The following MGAT4C variants were observed in gnomAD, a reference collection of about 807,000 sequenced individuals.
MGAT4C encodes MGAT4 family member C, also known as alpha-1,3-mannosyl-glycoprotein 4-beta-N-acetylglucosaminyltransferase C.
In MGAT4C, 19 loss-of-function variants were observed where a neutral mutation model predicts 40.1. That is an observed-to-expected ratio of 0.47 (90% CI 0.33 to 0.70). MGAT4C has a LOEUF of 0.70. Ranked by LOEUF, MGAT4C falls within the 30% of genes least tolerant of loss-of-function variation. The pLI is 0.02. For synonymous variants in MGAT4C, 181 were observed against 187.1 expected, an observed-to-expected ratio of 0.97 and a Z score of 0.27; for missense variants, 491 against 563.2, an observed-to-expected ratio of 0.87 and a Z score of 1.30.
chr12:86,695,759 G>A (rs1306728836), intron 2 of MGAT4C, among the ~76,000 whole-genome samples: 2 of 152,004 alleles, frequency 1.3e-5, no homozygotes, highest in African/African-American at 4.8e-5. Flanking sequence ...TAGAATGATG[G>A]TTACCAGAGG....
intron 4 of MGAT4C, among the ~76,000 whole-genome samples, chr12:86,263,228 T>C (rs1370729408): frequency 6.6e-6 from 1 of 152,146 alleles, no homozygotes; most frequent in Admixed American, 6.5e-5. Context: ...TTTTGTTACA[T>C]GCATCCATCA....
chr12:86,209,864 T>G (rs1950391045), intron 1 of MGAT4C, among the ~76,000 whole-genome samples: 1 of 152,234 alleles, frequency 6.6e-6, no homozygotes, highest in African/African-American at 2.4e-5. Flanking sequence ...TTTTAATTAT[T>G]ATTCTGTAAA....
intron 2 of MGAT4C, among the ~76,000 whole-genome samples, chr12:86,585,644 T>C (rs879786471): frequency 1.3e-5 from 2 of 151,448 alleles, no homozygotes; most frequent in East Asian, 1.9e-4. Flanking sequence ...CTACAGGATA[T>C]TGTATTATCA....
chr12:86,709,865 A>G (rs1016163027), intron 2 of MGAT4C, among the ~76,000 whole-genome samples: 4 of 152,134 alleles, frequency 2.6e-5, no homozygotes, highest in Admixed American at 2.0e-4. Flanking sequence ...GCCTTTATTT[A>G]TTTGTGCTAA....
intron 1 of MGAT4C, among the ~76,000 whole-genome samples, chr12:86,808,851 T>C (rs1952415412): frequency 6.6e-6 from 1 of 152,062 alleles, no homozygotes; most frequent in Non-Finnish European, 1.5e-5. Context: ...TGTCTTTGTA[T>C]ACAGATACTG....
chr12:86,207,911 A>G (rs927259985), intron 1 of MGAT4C, among the ~76,000 whole-genome samples: 15 of 152,252 alleles, frequency 9.9e-5, no homozygotes, highest in African/African-American at 2.9e-4. Context: ...TCAAGTTAAT[A>G]AAGTATTATG....
In MGAT4C at chr12:86,421,562, A is replaced by G. The variant is rs564722536; in HGVS notation, c.-120+13595T>C. ...CGAGGCAGGGGGATCAATTGAGGTC[A>G]GCAGTTCAAGACTAGCCTTGCCAAC... On this transcript the variant is annotated intron_variant, in intron 3 of 7. Coordinates refer to the MGAT4C transcript ENST00000548651. Among the ~76,000 whole-genome samples, 500 of 152,282 alleles carry G rather than the reference A, an allele frequency of 3.3e-3. 3 individuals carry two copies. The highest frequency in any genetic ancestry group is 0.011 in the African/African-American group (478 of 41,568).
At chr12:86,312,378 T>C (rs1016477110) in intron 4 of MGAT4C, among the ~76,000 whole-genome samples, 2 of 152,194 alleles carry the variant, frequency 1.3e-5, no homozygotes, top group Non-Finnish European at 2.9e-5. Context: ...TAGCTATCAC[T>C]CTTTGTTGTT....
chr12:86,555,960 T>A (rs1959590954), intron 2 of MGAT4C, among the ~76,000 whole-genome samples: 2 of 152,204 alleles, frequency 1.3e-5, no homozygotes, highest in Non-Finnish European at 2.9e-5. Context: ...ATAAATGGGA[T>A]ATTTGAACTA....
chr12:86,462,735 C>T (rs1957620001), intron 2 of MGAT4C, among the ~76,000 whole-genome samples: 1 of 152,146 alleles, frequency 6.6e-6, no homozygotes, highest in South Asian at 2.1e-4. Context: ...AGCTGAAGAA[C>T]TTAGAGTCTG....
chr12:86,283,974 C>T (rs1371033399), intron 4 of MGAT4C, among the ~76,000 whole-genome samples: 3 of 152,112 alleles, frequency 2.0e-5, no homozygotes, highest in East Asian at 3.9e-4. Context: ...ACAAACATTA[C>T]ATGTTGCACA....
chr12:86,254,913 C>T (rs1193252456), intron 1 of MGAT4C, among the ~76,000 whole-genome samples: 1 of 152,020 alleles, frequency 6.6e-6, no homozygotes, highest in African/African-American at 2.4e-5. Flanking sequence ...ACAGTAATGT[C>T]TAGAGCTGCC....
At chr12:86,356,569 A>T in intron 3 of MGAT4C, among the ~76,000 whole-genome samples, 1 of 152,128 alleles carries the variant, frequency 6.6e-6, no homozygotes, top group East Asian at 1.9e-4. Flanking sequence ...TCCCTTTCCT[A>T]GCCAAGGGTA....
At chr12:86,815,861 G>A (rs999651585) in intron 1 of MGAT4C, among the ~76,000 whole-genome samples, 1 of 135,282 alleles carries the variant, frequency 7.4e-6, no homozygotes, top group East Asian at 2.6e-4. Flanking sequence ...GAGTGGTGGG[G>A]GGGCAAGGGA....
chr12:86,339,738 G>GCA (rs145826188), intron 3 of MGAT4C, among the ~76,000 whole-genome samples: 6 of 151,186 alleles, frequency 4.0e-5, no homozygotes, highest in East Asian at 1.9e-4. Context: ...ACCTACACAT[G>GCA]CACACACACA....
Position 86,746,176 on chromosome 12 carries a change from T to A in MGAT4C, c.-261-18935A>T, listed in dbSNP as rs1024855772. On this transcript the variant is annotated intron_variant, in intron 1 of 7. Transcript: ENST00000548651. ...TCCTATTCAAGGCAGAGCAAACACT[T>A]GTGGTATTGTCTGTCTATTTTCATT... 3.3e-5 allele frequency among the ~76,000 whole-genome samples: 5 copies of A among 151,700 alleles called. No homozygotes were observed. The South Asian group carries it at 1.0e-3, about 31-fold the overall frequency.
rs1883433747 is a variant in MGAT4C, at chr12:85,967,770, T to G, written c.*11519A>C. Reference sequence around the variant, plus strand: ...CAGAAATGACTGAGAAATTTTGAGTTGGAATTGATATAGGGGAATCCTTGG... The same window carrying G: ...CAGAAATGACTGAGAAATTTTGAGTGGGAATTGATATAGGGGAATCCTTGG... On this transcript the variant is annotated 3_prime_UTR_variant, in exon 5 of 5. Transcript: ENST00000611864. 6.6e-6 allele frequency: 1 copy of G among 152,084 alleles called. No individual in the cohort carries two copies. Among genetic ancestry groups the G allele is most frequent in the African/African-American group, 2.4e-5 (1 of 41,448 alleles). The allele number at this position is 152,084 out of a possible 1,614,324, so 9.4% of individuals were successfully genotyped here. A position where few individuals can be genotyped will look rare whatever the true frequency, so the allele number is the denominator to read the frequency against.
At chr12:86,544,135 A>G (rs543724244) in intron 2 of MGAT4C, among the ~76,000 whole-genome samples, 1 of 152,312 alleles carries the variant, frequency 6.6e-6, no homozygotes, top group Admixed American at 6.5e-5. Flanking sequence ...GCCTGGATTC[A>G]AAGAGAGGAG....
chr12:86,797,528 T>A (rs4240768), intron 1 of MGAT4C, among the ~76,000 whole-genome samples: 77,884 of 151,608 alleles, frequency 0.51, 20,611 homozygotes, highest in Middle Eastern at 0.63. Context: ...CAGAAGGATT[T>A]GCCATGTTTT....
Sources: allele counts gnomAD v4.1 joint callset (sites outside exome capture counted in the v4.1 genomes callset), GRCh38; gene constraint gnomAD v4.1.1; transcripts MANE v1.5; gene names NCBI Gene and HGNC (gene_info 2026-07-23, HGNC 2026-07-21).